The following BRWD1 variants were observed in gnomAD, a reference collection of about 807,000 sequenced individuals.
BRWD1 encodes bromodomain and WD repeat-containing protein 1.
Under a neutral mutation model 251.2 loss-of-function variants are expected in BRWD1, and 82 were observed. The observed-to-expected ratio is 0.33, with a 90% CI of 0.27 to 0.39. The LOEUF (loss-of-function observed/expected upper bound fraction) is 0.39. BRWD1 is among the 10% of genes least tolerant of loss of function. The pLI is 1.00. For missense variants in BRWD1, 2,233 were observed against 2,711.6 expected (o/e 0.82, Z 3.92); for synonymous variants, 918 against 902.8 (o/e 1.02, Z -0.30).
chr21:39,217,051 TTATATATATA>T (rs1192153828), intron 31 of BRWD1: 6 of 21,204 alleles, frequency 2.8e-4, no homozygotes, highest in South Asian at 1.9e-3. Context: ...ATATATATAT[TTATATATATA>T]TATATATATA....
intron 19 of BRWD1, among the ~76,000 whole-genome samples, chr21:39,252,200 G>C (rs1227718161): frequency 7.0e-6 from 1 of 143,428 alleles, no homozygotes; most frequent in Admixed American, 7.3e-5. Context: ...AGTGAGCCAA[G>C]ATCACACCAT....
At position 39,185,553 on chromosome 21, in the gene BRWD1, T is replaced by G. The variant is rs1402255854; in HGVS notation, c.*10706A>C. On this transcript the variant is annotated 3_prime_UTR_variant, in exon 41 of 41. Transcript: ENST00000342449. ...GTATCAACATATTGGGGATCAGTAATTTAGATGAAAGTATACTACAAAAGG... is the reference window on the plus strand; with the variant it reads ...GTATCAACATATTGGGGATCAGTAAGTTAGATGAAAGTATACTACAAAAGG... 1 of 152,034 alleles carries G rather than the reference T, an allele frequency of 6.6e-6. No homozygotes were observed. 9.4% of individuals were successfully genotyped at this position (152,034 alleles called of 1,614,324 possible). A position where few individuals can be genotyped will look rare whatever the true frequency, so the allele number is the denominator to read the frequency against.
intron 15 of BRWD1, among the ~76,000 whole-genome samples, chr21:39,267,580 C>G (rs35068861): frequency 0.3 from 45,601 of 152,050 alleles, 7,310 homozygotes; most frequent in Middle Eastern, 0.35. Context: ...GCCTGGGCGA[C>G]AGAGAGAGAC....
intron 4 of BRWD1, among the ~76,000 whole-genome samples, chr21:39,303,957 C>A (rs192924662): frequency 6.6e-6 from 1 of 151,340 alleles, no homozygotes. Flanking sequence ...GCCTGGCCAA[C>A]GTGGTTAAAC....
At chr21:39,317,409 C>T (rs1295771528), upstream of BRWD1, among the ~76,000 whole-genome samples, 2 of 152,206 alleles carry the variant, frequency 1.3e-5, no homozygotes, top group Non-Finnish European at 2.9e-5. Context: ...CATCTTATGC[C>T]GTGGCAAGCA....
rs2031820415 is a variant in BRWD1, at chr21:39,196,462, TCA to T, written c.6605_6606del (p.Val2202GlufsTer10). ...GGGCGTTTGCTTTGTCTTTGACGTCTCACAGTTTTAGATATGTTAGCTGTAAA... is the reference window on the plus strand; with the variant it reads ...GGGCGTTTGCTTTGTCTTTGACGTCTCAGTTTTAGATATGTTAGCTGTAAA... ...KTFTANISKT[V>X]RRQRQSKRPR... On this transcript the variant is annotated frameshift_variant, in exon 41 of 41. Transcript: ENST00000342449. LOFTEE classifies it high-confidence loss of function. 1 of 1,613,414 alleles carries T rather than the reference TCA, an allele frequency of 6.2e-7. No homozygotes were observed. Among genetic ancestry groups the T allele is most frequent in the Non-Finnish European group, 8.5e-7 (1 of 1,179,690 alleles).
intron 28 of BRWD1, 124 bp from the exon 29 acceptor site, chr21:39,224,593 T>C: frequency 3.3e-6 from 2 of 603,054 alleles, no homozygotes; most frequent in Non-Finnish European, 5.8e-6. Flanking sequence ...TTTTAAATAT[T>C]AACAGTAAAT....
chr21:39,187,185 G>C lies in BRWD1; in HGVS notation c.*9074C>G. 6.2e-7 allele frequency: 1 copy of C among 1,613,404 alleles called. No individual in the cohort carries two copies. Among genetic ancestry groups the C allele is most frequent in the Non-Finnish European group, 8.5e-7 (1 of 1,179,796 alleles). ...TAGCCGCAGCAGAAGCATTTCGATGGGGCAGTTTTCTGCTACTCTTCCTAA... is the reference window on the plus strand; with the variant it reads ...TAGCCGCAGCAGAAGCATTTCGATGCGGCAGTTTTCTGCTACTCTTCCTAA... On this transcript the variant is annotated 3_prime_UTR_variant, in exon 41 of 41. Transcript: ENST00000342449.
chr21:39,294,335 G>A (rs540481664), intron 7 of BRWD1, among the ~76,000 whole-genome samples: 25 of 152,160 alleles, frequency 1.6e-4, no homozygotes, highest in African/African-American at 4.3e-4. Flanking sequence ...CAAAGTTCAC[G>A]GCTCTCTTAT....
At chr21:39,300,202 A>G (rs1053141620) in intron 4 of BRWD1, among the ~76,000 whole-genome samples, 1 of 152,100 alleles carries the variant, frequency 6.6e-6, no homozygotes, top group African/African-American at 2.4e-5. Flanking sequence ...GCCTTCACCA[A>G]CTGCATAGGG....
Position 39,247,837 on chromosome 21 carries a change from AAC to A in BRWD1, c.2350-7_2350-6del. 6.3e-7 allele frequency: 1 copy of A among 1,590,018 alleles called. No individual in the cohort carries two copies. Among genetic ancestry groups the A allele is most frequent in the Non-Finnish European group, 8.5e-7 (1 of 1,170,062 alleles). On this transcript the variant is annotated splice_polypyrimidine_tract_variant and splice_region_variant and intron_variant, in intron 20 of 40. Coordinates refer to ENST00000342449, the MANE Select transcript of BRWD1 (RefSeq NM_033656.4). ...TACCAAAACCACTGAATCCGACTGAAACACAGAAAAACATGCGAATGAAAATC... is the reference window on the plus strand; with the variant it reads ...TACCAAAACCACTGAATCCGACTGAAACAGAAAAACATGCGAATGAAAATC...
chr21:39,264,091 C>T (rs552518822), intron 17 of BRWD1, among the ~76,000 whole-genome samples: 1 of 152,166 alleles, frequency 6.6e-6, no homozygotes. Context: ...AACTAACTTT[C>T]GTATTTCGTA....
intron 13 of BRWD1, among the ~76,000 whole-genome samples, chr21:39,274,051 T>C (rs781551630): frequency 4.6e-5 from 7 of 152,198 alleles, no homozygotes; most frequent in Non-Finnish European, 8.8e-5. Flanking sequence ...TTTCCACTCT[T>C]AACGTACTTG....
chr21:39,199,749 T>C (rs960802403), intron 39 of BRWD1, 87 bp from the exon 40 acceptor site: 1 of 1,284,908 alleles, frequency 7.8e-7, no homozygotes, highest in Non-Finnish European at 1.1e-6. Flanking sequence ...TTTTCTTCAC[T>C]TTTTTGGGGG....
intron 1 of BRWD1, among the ~76,000 whole-genome samples, chr21:39,320,474 A>G (rs2146837449): frequency 6.6e-6 from 1 of 152,080 alleles, no homozygotes; most frequent in Admixed American, 6.5e-5. Flanking sequence ...AACTGGGACT[A>G]CAGGCACCCA....
intron 5 of BRWD1, chr21:39,297,682 T>C (rs1601488486): frequency 3.7e-6 from 1 of 267,430 alleles, no homozygotes; most frequent in Non-Finnish European, 5.8e-6. Flanking sequence ...AGGGGTGTTC[T>C]TTCTCAGTTA....
At chr21:39,185,295 TAAAAAAAAAAA>T (rs10525862), downstream of BRWD1, 104 of 71,820 alleles carry the variant, frequency 1.4e-3, no homozygotes, top group African/African-American at 4.2e-3. Flanking sequence ...CTGAAATTGC[TAAAAAAAAAAA>T]AAAAAAAAAA....
chr21:39,287,992 C>G (rs2035694841), intron 8 of BRWD1, among the ~76,000 whole-genome samples: 1 of 152,196 alleles, frequency 6.6e-6, no homozygotes, highest in African/African-American at 2.4e-5. Context: ...AAGAATTCAA[C>G]AGCAGCTTAG....
In BRWD1 at chr21:39,278,735, G is replaced by C. The variant is rs192661700; in HGVS notation, c.1003+8C>G. The C allele has an allele frequency of 7.0e-5, 110 of 1,564,276 alleles. No individual in the cohort carries two copies. The highest frequency in any genetic ancestry group is 8.4e-5 in the Non-Finnish European group (97 of 1,161,482). On this transcript the variant is annotated splice_region_variant and intron_variant, in intron 10 of 40. Coordinates refer to ENST00000342449, the MANE Select transcript of BRWD1 (RefSeq NM_033656.4). Reference sequence around the variant, plus strand: ...AAAACTAAGAAAAAAATGTGAAGAAGTTCTTACCAACACTAAAAGAAGAAC... The same window carrying C: ...AAAACTAAGAAAAAAATGTGAAGAACTTCTTACCAACACTAAAAGAAGAAC...
Sources: allele counts gnomAD v4.1 joint callset (sites outside exome capture counted in the v4.1 genomes callset), GRCh38; gene constraint gnomAD v4.1.1; transcripts MANE v1.5; gene names NCBI Gene and HGNC (gene_info 2026-07-23, HGNC 2026-07-21).